Variants in UGGT1 observed in about 807,000 individuals in gnomAD.
The protein encoded by UGGT1 is UDP-glucose:glycoprotein glucosyltransferase 1.
UGGT1 carries 107 observed loss-of-function variants against 203.9 expected under a neutral mutation model. The observed-to-expected ratio is 0.52, with a 90% CI of 0.45 to 0.62. The LOEUF (loss-of-function observed/expected upper bound fraction) is 0.62. Ranked by LOEUF, UGGT1 falls within the 20% of genes least tolerant of loss-of-function variation. The pLI, the probability that UGGT1 is intolerant of heterozygous loss-of-function variation, is 0.00. For missense variants in UGGT1, 1,673 were observed against 1,867.2 expected (o/e 0.90, Z 1.92); for synonymous variants, 628 against 653.5 (o/e 0.96, Z 0.59).
intron 25 of UGGT1, among the ~76,000 whole-genome samples, chr2:128,162,585 AT>A (rs113761802): frequency 5.9e-5 from 9 of 152,210 alleles, no homozygotes; most frequent in African/African-American, 2.2e-4. Context: ...ATCTTTTCTC[AT>A]TTTGGCCAAT....
At chr2:128,109,812 C>T (rs1687767920) in intron 5 of UGGT1, 66 bp downstream of exon 5, 8 of 1,347,454 alleles carry the variant, frequency 5.9e-6, no homozygotes, top group Middle Eastern at 3.7e-4. Context: ...TTTGGTCTAC[C>T]TTCTGATTTT....
intron 26 of UGGT1, among the ~76,000 whole-genome samples, chr2:128,169,645 A>C (rs1038723548): frequency 2.6e-5 from 4 of 152,360 alleles, no homozygotes; most frequent in Non-Finnish European, 5.9e-5. Flanking sequence ...GTCCAGCAGT[A>C]AAGAAAAGCT....
In UGGT1 at chr2:128,191,034, A is replaced by G. The variant is rs1319833070; in HGVS notation, c.*1292A>G. 1 of 152,262 alleles carries G rather than the reference A, an allele frequency of 6.6e-6. No individual in the cohort carries two copies. Among genetic ancestry groups the G allele is most frequent in the African/African-American group, 2.4e-5 (1 of 41,464 alleles). 9.4% of individuals were successfully genotyped at this position (152,262 alleles called of 1,614,324 possible). A position where few individuals can be genotyped will look rare whatever the true frequency, so the allele number is the denominator to read the frequency against. ...AGAGTCTTGAGTATGTTATTGGCCT[A>G]AGTGGGCATGAGGCCCCAGCATCCG... On this transcript the variant is annotated 3_prime_UTR_variant, in exon 41 of 41. Coordinates refer to ENST00000259253, the MANE Select transcript of UGGT1 (RefSeq NM_020120.4).
chr2:128,147,551 T>C (rs1689748342), intron 18 of UGGT1, among the ~76,000 whole-genome samples: 1 of 152,148 alleles, frequency 6.6e-6, no homozygotes, highest in South Asian at 2.1e-4. Flanking sequence ...ATAGTAAGAA[T>C]AGTATGTCTT....
intron 10 of UGGT1, among the ~76,000 whole-genome samples, chr2:128,122,438 G>T (rs1226366490): frequency 6.6e-6 from 1 of 151,946 alleles, no homozygotes; most frequent in Non-Finnish European, 1.5e-5. Context: ...GGAGTCTGAT[G>T]CAGGAGAATC....
chr2:128,100,179 G>A (rs1173166219), intron 2 of UGGT1, among the ~76,000 whole-genome samples: 1 of 151,554 alleles, frequency 6.6e-6, no homozygotes, highest in African/African-American at 2.4e-5. Context: ...TGGGATTACC[G>A]GCGTGTGCCA....
intron 6 of UGGT1, 110 bp from the exon 7 acceptor site, chr2:128,115,014 C>A: frequency 1.1e-6 from 1 of 876,916 alleles, no homozygotes; most frequent in South Asian, 1.8e-5. Flanking sequence ...ATTTTGAGGG[C>A]ATAATCCGAG....
intron 3 of UGGT1, 92 bp from the exon 4 acceptor site, chr2:128,107,846 C>T: frequency 6.4e-7 from 1 of 1,561,314 alleles, no homozygotes; most frequent in Non-Finnish European, 8.7e-7. Context: ...CTTCACATAC[C>T]TTTGTAAACA....
intron 16 of UGGT1, among the ~76,000 whole-genome samples, chr2:128,139,233 C>T (rs564210050): frequency 3.3e-5 from 5 of 152,158 alleles, no homozygotes; most frequent in Non-Finnish European, 5.9e-5. Flanking sequence ...TCTTCCACAA[C>T]GGCTACCTTA....
chr2:128,120,230 C>A, intron 8 of UGGT1, 126 bp from the exon 9 acceptor site: 1 of 744,864 alleles, frequency 1.3e-6, no homozygotes. Flanking sequence ...CATTTTTTCC[C>A]CCTATGTCGT....
At chr2:128,151,240 T>A in intron 18 of UGGT1, 1 of 597,716 alleles carries the variant, frequency 1.7e-6, no homozygotes, top group Non-Finnish European at 3.2e-6. Flanking sequence ...CTCCTCTTTT[T>A]GTTTCTGCTT....
chr2:128,128,335 G>A (rs1477638316), intron 12 of UGGT1, among the ~76,000 whole-genome samples: 4 of 141,242 alleles, frequency 2.8e-5, no homozygotes, highest in African/African-American at 7.8e-5. Flanking sequence ...TTTTGGAGAC[G>A]GAGTCTCACT....
Position 128,113,113 on chromosome 2 carries a change from A to G in UGGT1, c.551A>G (p.His184Arg), listed in dbSNP as rs752263906. Reference protein sequence around the residue: ...RPKPLLFKGDHRYPSSNPESP... With the variant: ...RPKPLLFKGDRRYPSSNPESP... ...AAACCTTTATTGTTCAAAGGAGATC[A>G]CAGATATCCCTCGTCTAATCCTGAA... The change falls in exon 6 of 41, where the codon CAC becomes CGC. Residue 184 changes from histidine (H) to arginine (R), a missense_variant. Transcript: ENST00000259253. 4.4e-6 allele frequency: 7 copies of G among 1,602,102 alleles called. No homozygotes were observed. Among genetic ancestry groups the G allele is most frequent in the Non-Finnish European group, 5.1e-6 (6 of 1,173,758 alleles).
chr2:128,165,581 C>T (rs978466062), intron 26 of UGGT1, among the ~76,000 whole-genome samples: 1 of 152,018 alleles, frequency 6.6e-6, no homozygotes, highest in African/African-American at 2.4e-5. Flanking sequence ...CCTGTAATAC[C>T]AGCTACTCAG....
chr2:128,186,257 T>TTGGCATGTGATCTGTAACGAGCAGC (rs1195762617), intron 38 of UGGT1, among the ~76,000 whole-genome samples: 1 of 152,254 alleles, frequency 6.6e-6, no homozygotes, highest in African/African-American at 2.4e-5. Context: ...ACATTTGTGA[T>TTGGCATGTGATCTGTAACGAGCAGC]TGGCATGTGA....
At position 128,116,313 on chromosome 2, in the gene UGGT1, A is replaced by G; in HGVS notation, c.842A>G (p.Glu281Gly). ...ATTGGTGAAAATGATCCTATTGATGAGGTTCAGGGGTTCCTCTTTGGAAAA... is the reference window on the plus strand; with the variant it reads ...ATTGGTGAAAATGATCCTATTGATGGGGTTCAGGGGTTCCTCTTTGGAAAA... The part of the protein sequence containing the change: ...TVIGENDPID[E>G]VQGFLFGKLR... The change falls in exon 8 of 41, where the codon GAG becomes GGG. Residue 281 changes from glutamate to glycine, a missense_variant. By Grantham distance (98) the Glu-to-Gly change is moderately conservative. Around this residue, in one of 4 missense-constraint regions of UGGT1, gnomAD observed 1,073 missense variants for 1,078.7 expected, o/e 0.99. Transcript: ENST00000259253. 1 of 1,612,088 alleles carries G rather than the reference A, an allele frequency of 6.2e-7. No individual in the cohort carries two copies. Among genetic ancestry groups the G allele is most frequent in the Non-Finnish European group, 8.5e-7 (1 of 1,178,282 alleles).
chr2:128,097,703 T>C, intron 2 of UGGT1, 139 bp downstream of exon 2: 1 of 1,102,266 alleles, frequency 9.1e-7, no homozygotes, highest in Non-Finnish European at 1.3e-6. Context: ...TACTGTAGGA[T>C]GTATTGTACA....
Position 128,192,003 on chromosome 2 carries a change from TACTC to T in UGGT1, c.*2263_*2266del, listed in dbSNP as rs893841715. Reference sequence around the variant, plus strand: ...CTCGTCCAGGAGGTTGCATAGCAAATACTCAAGTCACTGGGATATATGCTTTCCA... The same window carrying T: ...CTCGTCCAGGAGGTTGCATAGCAAATAAGTCACTGGGATATATGCTTTCCA... On this transcript the variant is annotated 3_prime_UTR_variant, in exon 41 of 41. Transcript: ENST00000259253. 1 of 152,250 alleles carries T rather than the reference TACTC, an allele frequency of 6.6e-6. No homozygotes were observed. Among genetic ancestry groups the T allele is most frequent in the Non-Finnish European group, 1.5e-5 (1 of 68,092 alleles). 9.4% of individuals were successfully genotyped at this position (152,250 alleles called of 1,614,324 possible). A position where few individuals can be genotyped will look rare whatever the true frequency, so the allele number is the denominator to read the frequency against.
intron 5 of UGGT1, among the ~76,000 whole-genome samples, chr2:128,112,118 C>T (rs894371216): frequency 4.7e-5 from 7 of 150,382 alleles, no homozygotes; most frequent in Non-Finnish European, 8.9e-5. Flanking sequence ...CAAAATATAA[C>T]ATAATATAAC....
Sources: gnomAD v4.1 joint callset for allele counts (sites outside exome capture counted in the v4.1 genomes callset) on GRCh38, gnomAD v4.1.1 for gene constraint, gnomAD v4.1.1 regional missense constraint, MANE v1.5 for transcripts, NCBI Gene and HGNC (gene_info 2026-07-23, HGNC 2026-07-21) for gene names.